ADAMTSL3: variants seen among roughly 807,000 people sequenced by gnomAD.
The protein encoded by ADAMTSL3 is ADAMTS-like protein 3.
Under a neutral mutation model 201.7 loss-of-function variants are expected in ADAMTSL3, and 128 were observed. That is an observed-to-expected ratio of 0.63 (90% CI 0.55 to 0.73). The LOEUF is 0.73. Among genes scored for constraint, ADAMTSL3 ranks in the 30% least tolerant of loss-of-function variants. The pLI is 0.00. For synonymous variants in ADAMTSL3, 738 were observed against 748.4 expected (o/e 0.99, Z 0.23); for missense variants, 1,990 against 2,119.6 (o/e 0.94, Z 1.20).
chr15:84,036,815 G>C lies in ADAMTSL3; in HGVS notation c.4797G>C (p.Val1599=), dbSNP rs1479190965. The change falls in exon 29 of 30, where the codon GTG becomes GTC. Residue 1599 remains valine, a synonymous_variant. Transcript: ENST00000286744. ...ACTGCACATCAGGGGCCTGTGATGT[G>C]TGTTGGCACACAGGCCCTTGGAAGC... ...RRNCTSGACD[V]CWHTGPWKPC... is the part of the protein sequence containing the mutation. The C allele has an allele frequency of 1.9e-6, 3 of 1,613,904 alleles. No individual in the cohort carries two copies. The African/African-American group carries it at 4.0e-5, about 22-fold the overall frequency.
chr15:83,693,838 A>G (rs989887346), intron 2 of ADAMTSL3, among the ~76,000 whole-genome samples: 1 of 152,224 alleles, frequency 6.6e-6, no homozygotes, highest in African/African-American at 2.4e-5. Context: ...GGCACATAGT[A>G]GGTGCTTAAT....
intron 6 of ADAMTSL3, among the ~76,000 whole-genome samples, chr15:83,833,619 A>G (rs2064202005): frequency 6.6e-6 from 1 of 152,216 alleles, no homozygotes; most frequent in African/African-American, 2.4e-5. Context: ...TTATTGGGCT[A>G]TACTGATGAT....
At chr15:83,833,460 G>A (rs961774650) in intron 6 of ADAMTSL3, among the ~76,000 whole-genome samples, 4 of 152,032 alleles carry the variant, frequency 2.6e-5, no homozygotes, top group East Asian at 1.9e-4. Context: ...CCCCCTAAAT[G>A]TTTCACCTCC....
At chr15:83,767,305 T>G (rs574221109) in intron 3 of ADAMTSL3, among the ~76,000 whole-genome samples, 1 of 152,310 alleles carries the variant, frequency 6.6e-6, no homozygotes, top group South Asian at 2.1e-4. Context: ...GACAAGCTTG[T>G]TCAGGTCTTC....
At chr15:83,711,927 G>A (rs1365346599) in intron 3 of ADAMTSL3, among the ~76,000 whole-genome samples, 2 of 150,272 alleles carry the variant, frequency 1.3e-5, no homozygotes, top group Non-Finnish European at 3.0e-5. Context: ...TAAGGGGTGG[G>A]TATAGGGTGG....
At chr15:83,664,871 T>C (rs767723418) in intron 2 of ADAMTSL3, among the ~76,000 whole-genome samples, 5 of 152,130 alleles carry the variant, frequency 3.3e-5, no homozygotes, top group African/African-American at 7.2e-5. Flanking sequence ...TCCCAGCTAC[T>C]TGGGAGGCTG....
At chr15:83,830,972 G>A (rs1275988006) in intron 6 of ADAMTSL3, among the ~76,000 whole-genome samples, 1 of 152,164 alleles carries the variant, frequency 6.6e-6, no homozygotes, top group Non-Finnish European at 1.5e-5. Context: ...TGGGTGGGTG[G>A]GTGGAGTATT....
At chr15:83,978,693 A>C (rs2067331778) in intron 20 of ADAMTSL3, among the ~76,000 whole-genome samples, 1 of 152,226 alleles carries the variant, frequency 6.6e-6, no homozygotes, top group Admixed American at 6.5e-5. Context: ...GGCAGAGCCC[A>C]TGAATTCCGA....
intron 19 of ADAMTSL3, among the ~76,000 whole-genome samples, chr15:83,964,401 TG>T (rs1452989537): frequency 1.3e-5 from 2 of 151,554 alleles, no homozygotes; most frequent in Non-Finnish European, 2.9e-5. Flanking sequence ...ATAGCCAAAT[TG>T]CTCAAGCAGA....
chr15:83,793,400 A>G (rs959723963), intron 4 of ADAMTSL3, among the ~76,000 whole-genome samples: 68 of 152,214 alleles, frequency 4.5e-4, no homozygotes, highest in Non-Finnish European at 1.3e-4. Context: ...CACAGTGTAT[A>G]GATACTTGAA....
intron 11 of ADAMTSL3, among the ~76,000 whole-genome samples, chr15:83,890,457 A>C (rs1005690595): frequency 6.6e-6 from 1 of 152,176 alleles, no homozygotes; most frequent in Non-Finnish European, 1.5e-5. Flanking sequence ...GTCGTGGGCT[A>C]TGTGTTCCTA....
At chr15:83,846,029 C>T (rs551030546) in intron 7 of ADAMTSL3, among the ~76,000 whole-genome samples, 1 of 152,310 alleles carries the variant, frequency 6.6e-6, no homozygotes, top group South Asian at 2.1e-4. Flanking sequence ...ACCAGCATCC[C>T]TATGGAAGCA....
chr15:83,943,012 A>G lies in ADAMTSL3; in HGVS notation c.2420A>G (p.Lys807Arg), dbSNP rs767384435. 7 of 1,613,976 alleles carry G rather than the reference A, an allele frequency of 4.3e-6. No individual in the cohort carries two copies. The highest frequency in any genetic ancestry group is 1.7e-5 in the Admixed American group (1 of 59,998). ...TCAGATGAATTGTGCCAAGGACCCA[A>G]GGCATCGTCTCACAAGTCCTGTGCC... ...NLSDELCQGP[K>R]ASSHKSCART... Residue 807 changes from lysine to arginine, a missense_variant, in exon 19 of 30, where the codon AAG (lysine) becomes AGG (arginine). By Grantham distance (26) the Lys-to-Arg change is conservative. Coordinates refer to ENST00000286744, the MANE Select transcript of ADAMTSL3 (RefSeq NM_207517.3).
chr15:83,854,677 C>T (rs900080092), intron 7 of ADAMTSL3, among the ~76,000 whole-genome samples: 1 of 152,220 alleles, frequency 6.6e-6, no homozygotes, highest in Non-Finnish European at 1.5e-5. Context: ...CAGTATTTAA[C>T]ACAGAGAGTT....
Position 83,952,101 on chromosome 15 carries a change from T to C in ADAMTSL3, c.2490+9019T>C, listed in dbSNP as rs565162605. Among the ~76,000 whole-genome samples, 9 of 152,312 alleles carry C rather than the reference T, an allele frequency of 5.9e-5. No individual in the cohort carries two copies. In the East Asian group the frequency reaches 1.7e-3, roughly 29 times the overall value. On this transcript the variant is annotated intron_variant, in intron 19 of 29. Transcript: ENST00000286744. ...TGATGTAGGCATTTATAGCTATAAA[T>C]GTCCCTCTTAGTGTTGCTTTCACTG... is the stretch of plus-strand genomic sequence containing the variant.
intron 3 of ADAMTSL3, among the ~76,000 whole-genome samples, chr15:83,751,988 G>A (rs1025017270): frequency 6.6e-6 from 1 of 152,092 alleles, no homozygotes; most frequent in African/African-American, 2.4e-5. Context: ...GCCCTAAAGA[G>A]GTAAAGAGAG....
intron 9 of ADAMTSL3, among the ~76,000 whole-genome samples, chr15:83,871,229 T>G (rs922712825): frequency 2.6e-5 from 4 of 152,132 alleles, no homozygotes; most frequent in Non-Finnish European, 5.9e-5. Flanking sequence ...TTTGTTCAGT[T>G]TGTTTGTTGG....
chr15:83,825,329 G>C (rs558815382), intron 6 of ADAMTSL3, among the ~76,000 whole-genome samples: 1 of 152,294 alleles, frequency 6.6e-6, no homozygotes, highest in African/African-American at 2.4e-5. Flanking sequence ...AAGCAATTTA[G>C]GTTGGGCGCA....
chr15:83,978,484 T>C (rs983343262), intron 20 of ADAMTSL3, among the ~76,000 whole-genome samples: 4 of 152,200 alleles, frequency 2.6e-5, no homozygotes, highest in Non-Finnish European at 2.9e-5. Flanking sequence ...GCAGAGTGCA[T>C]GATGCCCCTG....
Sources: allele counts gnomAD v4.1 joint callset (sites outside exome capture counted in the v4.1 genomes callset), GRCh38; gene constraint gnomAD v4.1.1; transcripts MANE v1.5; gene names NCBI Gene and HGNC (gene_info 2026-07-23, HGNC 2026-07-21).